OSBPL1A: variants seen among roughly 807,000 people sequenced by gnomAD.
OSBPL1A encodes oxysterol binding protein like 1A.
Under a neutral mutation model 137.1 loss-of-function variants are expected in OSBPL1A, and 80 were observed. The observed-to-expected ratio is 0.58, with a 90% CI of 0.49 to 0.70. The LOEUF (loss-of-function observed/expected upper bound fraction) is 0.70, where lower values mean the gene tolerates loss of function less well. Ranked by LOEUF, OSBPL1A falls within the 30% of genes least tolerant of loss-of-function variation. The pLI is 0.00. For synonymous variants in OSBPL1A, 365 were observed against 389.7 expected (o/e 0.94, Z 0.75); for missense variants, 970 against 1,129.4 (o/e 0.86, Z 2.02).
chr18:24,261,521 A>T (rs564566858), intron 15 of OSBPL1A, among the ~76,000 whole-genome samples: 1 of 152,222 alleles, frequency 6.6e-6, no homozygotes, highest in Non-Finnish European at 1.5e-5. Context: ...ACAATAATAC[A>T]TTTCATATGC....
chr18:24,303,548 A>C (rs1032494724), intron 14 of OSBPL1A, 89 bp downstream of exon 14: 7 of 1,066,540 alleles, frequency 6.6e-6, no homozygotes, highest in Middle Eastern at 4.2e-4. Context: ...AAAACCAAAA[A>C]CTGTTTAAAA....
At chr18:24,260,700 T>C (rs1202953009) in intron 15 of OSBPL1A, among the ~76,000 whole-genome samples, 2 of 152,112 alleles carry the variant, frequency 1.3e-5, no homozygotes, top group Non-Finnish European at 2.9e-5. Context: ...TGTGGAATGA[T>C]GAAAATGTTT....
At position 24,271,916 on chromosome 18, in the gene OSBPL1A, G is replaced by A; in HGVS notation, c.1281+8926C>T. On this transcript the variant is annotated intron_variant, in intron 15 of 27. Coordinates refer to ENST00000319481, the MANE Select transcript of OSBPL1A (RefSeq NM_080597.4). This position sits in a 1 kb window ranked among gnomAD's most constrained non-coding sequence, Gnocchi z 4.0. The stretch of plus-strand genomic sequence containing the variant: ...GCGCCCGCCCGGGCCGCAGAGGTCT[G>A]CGCTGCCCCTCCGCCGCCGCTGGCT... 1.0e-6 allele frequency: 1 copy of A among 984,082 alleles called. No individual in the cohort carries two copies. The highest frequency in any genetic ancestry group is 1.2e-6 in the Non-Finnish European group (1 of 829,548). 61.0% of individuals were successfully genotyped at this position (984,082 alleles called of 1,614,324 possible). A position where few individuals can be genotyped will look rare whatever the true frequency, so the allele number is the denominator to read the frequency against.
At chr18:24,312,985 A>G (rs1403746583) in intron 12 of OSBPL1A, among the ~76,000 whole-genome samples, 3 of 151,732 alleles carry the variant, frequency 2.0e-5, no homozygotes, top group Non-Finnish European at 4.4e-5. Flanking sequence ...TTAGCCAGGC[A>G]TGGTGGTACA....
intron 15 of OSBPL1A, among the ~76,000 whole-genome samples, chr18:24,266,145 G>C (rs1172205061): frequency 6.6e-6 from 1 of 152,166 alleles, no homozygotes; most frequent in Admixed American, 6.6e-5. Flanking sequence ...AGCAAGAAAA[G>C]GGTCCCTGTT....
chr18:24,175,137 C>CAT (rs57325245), intron 21 of OSBPL1A, among the ~76,000 whole-genome samples: 1,009 of 51,612 alleles, frequency 0.02, 49 homozygotes, highest in African/African-American at 0.075. Context: ...TATATATATA[C>CAT]ACATATATAT....
At chr18:24,341,505 A>C (rs767464732) in intron 5 of OSBPL1A, 42 bp downstream of exon 5, 2 of 1,475,938 alleles carry the variant, frequency 1.4e-6, no homozygotes, top group Non-Finnish European at 1.9e-6. Flanking sequence ...CTTGGTTATA[A>C]TGAAAGTAAA....
At chr18:24,282,713 A>AT (rs1399700400) in intron 14 of OSBPL1A, among the ~76,000 whole-genome samples, 1 of 152,228 alleles carries the variant, frequency 6.6e-6, no homozygotes. Flanking sequence ...GATCCTTTAA[A>AT]TCTGTCCCTT....
chr18:24,350,226 T>TAC, intron 4 of OSBPL1A, among the ~76,000 whole-genome samples: 1 of 152,332 alleles, frequency 6.6e-6, no homozygotes, highest in Non-Finnish European at 1.5e-5. Context: ...GCAGTCTGTA[T>TAC]ATATTCTTTG....
chr18:24,334,394 G>A lies in OSBPL1A; in HGVS notation c.395-64C>T, dbSNP rs1032143528. 3.0e-6 allele frequency: 4 copies of A among 1,320,930 alleles called. No homozygotes were observed. The South Asian group carries it at 4.2e-5, about 14-fold the overall frequency. 81.8% of individuals were successfully genotyped at this position (1,320,930 alleles called of 1,614,324 possible). Reference sequence around the variant, plus strand: ...GATCCAATTACAAATTCATTATAAAGAATAAAGTGATCATGATGAGAAAAA... The same window carrying A: ...GATCCAATTACAAATTCATTATAAAAAATAAAGTGATCATGATGAGAAAAA... On this transcript the variant is annotated intron_variant, in intron 5 of 27. Coordinates refer to ENST00000319481, the MANE Select transcript of OSBPL1A (RefSeq NM_080597.4).
chr18:24,169,194 G>A (rs1022892197), intron 24 of OSBPL1A, among the ~76,000 whole-genome samples: 21 of 152,252 alleles, frequency 1.4e-4, no homozygotes, highest in African/African-American at 4.6e-4. Flanking sequence ...CCCAGCCACA[G>A]GAAAGCAGAA....
rs566443803 is a variant in OSBPL1A, at chr18:24,388,426, G to T, written c.-3+9229C>A. ...CCCTGTAGGGAGGTCTACAGGCAAT[G>T]CCTTACAAAAGGTACATCTAGTGAC... On this transcript the variant is annotated intron_variant, in intron 1 of 27. Transcript: ENST00000319481. 8.5e-4 allele frequency among the ~76,000 whole-genome samples: 129 copies of T among 152,186 alleles called. 1 individual carries two copies. The highest frequency in any genetic ancestry group is 3.1e-3 in the African/African-American group (128 of 41,518).
At chr18:24,386,458 T>C (rs1291919536) in intron 1 of OSBPL1A, among the ~76,000 whole-genome samples, 2 of 152,222 alleles carry the variant, frequency 1.3e-5, no homozygotes, top group Non-Finnish European at 2.9e-5. Context: ...CTAGTTTAGT[T>C]GTGCAGCCCA....
intron 4 of OSBPL1A, among the ~76,000 whole-genome samples, chr18:24,365,682 A>G (rs558604553): frequency 2.6e-5 from 4 of 152,260 alleles, no homozygotes; most frequent in African/African-American, 9.6e-5. Flanking sequence ...GAAGGGGATG[A>G]ATATAAACAG....
At chr18:24,368,434 A>G (rs1332856572) in intron 2 of OSBPL1A, 62 bp from the exon 3 acceptor site, 3 of 1,239,710 alleles carry the variant, frequency 2.4e-6, no homozygotes, top group Non-Finnish European at 3.5e-6. Context: ...CAACGAAATT[A>G]ACTTCTCCAT....
rs749213545 is a variant in OSBPL1A at position 24,172,358 on chromosome 18, G to C, written c.2201+18C>G. 1 of 1,565,970 alleles carries C rather than the reference G, an allele frequency of 6.4e-7. No individual in the cohort carries two copies. Among genetic ancestry groups the C allele is most frequent in the East Asian group, 2.2e-5 (1 of 44,656 alleles). On this transcript the variant is annotated intron_variant, in intron 22 of 27. Transcript: ENST00000319481. ...GATGAAAACTGAAGGAATGGACGAA[G>C]TACCCAAGGTGCCTTACTTGTGGTT...
chr18:24,393,802 T>A (rs1382790776), intron 1 of OSBPL1A, among the ~76,000 whole-genome samples: 1 of 152,244 alleles, frequency 6.6e-6, no homozygotes, highest in Non-Finnish European at 1.5e-5. Flanking sequence ...TTAAATGCCA[T>A]TGATTCTCAT....
At position 24,175,104 on chromosome 18, in the gene OSBPL1A, GTATGTA is replaced by G. The variant is rs1384345181; in HGVS notation, c.2094-2627_2094-2622del. Among the ~76,000 whole-genome samples the G allele has an allele frequency of 5.4e-4, 23 of 42,704 alleles. 3 individuals carry two copies. Among genetic ancestry groups the G allele is most frequent in the African/African-American group, 1.7e-3 (22 of 13,186 alleles). The allele number at this position is 42,704 out of a possible 152,430, so 28.0% of individuals were successfully genotyped here. A position where few individuals can be genotyped will look rare whatever the true frequency, so the allele number is the denominator to read the frequency against. ...GACTTCATGTGCTTATTTGCCATGTGTATGTATATATATATATATATATATATATAT... is the reference window on the plus strand; with the variant it reads ...GACTTCATGTGCTTATTTGCCATGTGTATATATATATATATATATATATAT... On this transcript the variant is annotated intron_variant, in intron 21 of 27. Transcript: ENST00000319481.
Position 24,318,613 on chromosome 18 carries a change from G to A in OSBPL1A, c.720C>T (p.Gly240=), listed in dbSNP as rs200093489. The A allele has an allele frequency of 1.9e-6, 3 of 1,609,386 alleles. No homozygotes were observed. Among genetic ancestry groups the A allele is most frequent in the East Asian group, 2.2e-5 (1 of 44,814 alleles). ...CACCTCAACTTACCTTCCAGAGAGG[G>A]CCCTCATATCGTTTCAATGCTTTGT... The part of the protein sequence containing the change: ...VIYKALKRYE[G]PLWKSSRFFG... Residue 240 remains glycine, a synonymous_variant, in exon 9 of 28, where the codon GGC becomes GGT. Transcript: ENST00000319481.
Sources: gnomAD v4.1 joint callset for allele counts (sites outside exome capture counted in the v4.1 genomes callset) on GRCh38, gnomAD v4.1.1 for gene constraint, Gnocchi (gnomAD v3.1) non-coding constraint, MANE v1.5 for transcripts, NCBI Gene and HGNC (gene_info 2026-07-23, HGNC 2026-07-21) for gene names.